CNTNAP2: variants seen among roughly 807,000 people sequenced by gnomAD.
The protein encoded by CNTNAP2 is contactin-associated protein-like 2.
Under a neutral mutation model 155.2 loss-of-function variants are expected in CNTNAP2, and 98 were observed. The ratio of observed to expected loss-of-function variants is 0.63; its 90% CI spans 0.54 to 0.75. The LOEUF is 0.75. CNTNAP2 is among the 30% of genes least tolerant of loss of function. CNTNAP2 has a pLI of 0.00. For missense variants in CNTNAP2, 1,727 were observed against 1,688.1 expected (o/e 1.02, Z -0.40); for synonymous variants, 651 against 631.2 (o/e 1.03, Z -0.47).
intron 20 of CNTNAP2, among the ~76,000 whole-genome samples, chr7:148,243,131 G>C (rs536751535): frequency 6.6e-6 from 1 of 152,288 alleles, no homozygotes; most frequent in East Asian, 1.9e-4. Flanking sequence ...TCCTGATATT[G>C]TCACCCAGGG....
intron 9 of CNTNAP2, among the ~76,000 whole-genome samples, chr7:147,391,801 C>T (rs700307): frequency 0.14 from 21,414 of 151,870 alleles, 1,710 homozygotes; most frequent in East Asian, 0.32. Context: ...CCTTGTCATC[C>T]TTAGATCATG....
chr7:147,951,250 A>G (rs1800925782), intron 14 of CNTNAP2, among the ~76,000 whole-genome samples: 2 of 152,340 alleles, frequency 1.3e-5, no homozygotes, highest in East Asian at 1.9e-4. Context: ...ACAGGTTCCT[A>G]AAGAGAATGT....
At chr7:147,579,835 A>G (rs184016787) in intron 12 of CNTNAP2, among the ~76,000 whole-genome samples, 1 of 152,286 alleles carries the variant, frequency 6.6e-6, no homozygotes, top group East Asian at 1.9e-4. Flanking sequence ...TTCACAAACC[A>G]TCAATGGTAC....
intron 13 of CNTNAP2, among the ~76,000 whole-genome samples, chr7:147,786,198 A>G (rs915792719): frequency 1.3e-5 from 2 of 152,110 alleles, no homozygotes; most frequent in African/African-American, 4.8e-5. Context: ...ACTTGAACCC[A>G]GAGGTGGAGG....
Position 147,549,228 on chromosome 7 carries a change from C to T in CNTNAP2, c.1778-12910C>T, listed in dbSNP as rs559564391. ...TTTCATGATAATGATTCTTCCTCTC[C>T]GTGAGGATGAAATGTTTTTCCATTT... On this transcript the variant is annotated intron_variant, in intron 11 of 23. Transcript: ENST00000361727. Among the ~76,000 whole-genome samples the T allele has an allele frequency of 2.4e-3, 358 of 152,204 alleles. 1 individual carries two copies. The highest frequency in any genetic ancestry group is 8.4e-3 in the African/African-American group (349 of 41,512).
intron 3 of CNTNAP2, among the ~76,000 whole-genome samples, chr7:146,940,029 G>T (rs1421354709): frequency 6.6e-6 from 1 of 152,180 alleles, no homozygotes; most frequent in Non-Finnish European, 1.5e-5. Flanking sequence ...CTACAGAAAA[G>T]AGTGTTTTGG....
chr7:147,331,489 C>A (rs143980893), intron 9 of CNTNAP2, among the ~76,000 whole-genome samples: 1 of 151,924 alleles, frequency 6.6e-6, no homozygotes, highest in Non-Finnish European at 1.5e-5. Flanking sequence ...CAGCATTAGC[C>A]GTGGCAACAA....
chr7:147,571,554 A>G (rs980333181), intron 12 of CNTNAP2, among the ~76,000 whole-genome samples: 1 of 152,038 alleles, frequency 6.6e-6, no homozygotes, highest in African/African-American at 2.4e-5. Context: ...GAATCTAACA[A>G]AATCTTGTTT....
At chr7:146,164,551 A>G (rs555849383) in intron 1 of CNTNAP2, among the ~76,000 whole-genome samples, 1 of 152,300 alleles carries the variant, frequency 6.6e-6, no homozygotes, top group Non-Finnish European at 1.5e-5. Flanking sequence ...CATTTCCTGA[A>G]CAGCAACTTA....
At chr7:147,301,672 A>G (rs1262340859) in intron 9 of CNTNAP2, among the ~76,000 whole-genome samples, 1 of 149,916 alleles carries the variant, frequency 6.7e-6, no homozygotes, top group African/African-American at 2.5e-5. Context: ...AGGTGACATG[A>G]GAGCAGCCAC....
At chr7:147,312,315 G>A (rs1038768717) in intron 9 of CNTNAP2, among the ~76,000 whole-genome samples, 4 of 151,352 alleles carry the variant, frequency 2.6e-5, no homozygotes, top group Admixed American at 2.0e-4. Context: ...CAATGTGCAC[G>A]TTAGTTACAT....
intron 10 of CNTNAP2, among the ~76,000 whole-genome samples, chr7:147,484,490 C>T (rs948679380): frequency 6.6e-6 from 1 of 152,182 alleles, no homozygotes; most frequent in Non-Finnish European, 1.5e-5. Context: ...GTATCTACTT[C>T]TATATGAACT....
chr7:148,202,881 T>C (rs553600684), intron 18 of CNTNAP2, among the ~76,000 whole-genome samples: 1 of 152,340 alleles, frequency 6.6e-6, no homozygotes, highest in African/African-American at 2.4e-5. Flanking sequence ...GTGGCCTAAA[T>C]CCATTCTTTT....
At chr7:146,232,030 A>AT (rs1799394267) in intron 1 of CNTNAP2, among the ~76,000 whole-genome samples, 1 of 152,130 alleles carries the variant, frequency 6.6e-6, no homozygotes, top group Non-Finnish European at 1.5e-5. Flanking sequence ...TACCCATGCT[A>AT]AGGTTCAAGA....
intron 9 of CNTNAP2, among the ~76,000 whole-genome samples, chr7:147,375,768 C>G (rs1399322834): frequency 6.6e-6 from 1 of 152,060 alleles, no homozygotes. Context: ...TGAAATCTCT[C>G]ACCCAACAGT....
chr7:148,013,844 G>A (rs1802125483), intron 15 of CNTNAP2, among the ~76,000 whole-genome samples: 1 of 152,154 alleles, frequency 6.6e-6, no homozygotes, highest in African/African-American at 2.4e-5. Flanking sequence ...GCCCTCTGTG[G>A]AATTTCTTGG....
intron 14 of CNTNAP2, among the ~76,000 whole-genome samples, chr7:147,939,399 G>A (rs1185455802): frequency 6.6e-6 from 1 of 152,038 alleles, no homozygotes; most frequent in African/African-American, 2.4e-5. Flanking sequence ...CACGATCTCA[G>A]CTCACTGCAA....
At chr7:147,116,657 C>T (rs1800996485) in intron 5 of CNTNAP2, among the ~76,000 whole-genome samples, 1 of 152,202 alleles carries the variant, frequency 6.6e-6, no homozygotes, top group Admixed American at 6.5e-5. Flanking sequence ...CCAAAGCCCA[C>T]AGGCTGTGGA....
At chr7:147,558,595 G>A (rs1799994102) in intron 11 of CNTNAP2, among the ~76,000 whole-genome samples, 1 of 152,206 alleles carries the variant, frequency 6.6e-6, no homozygotes, top group Non-Finnish European at 1.5e-5. Context: ...TTTTCTGTAA[G>A]CGTTGATGAG....
Sources: gnomAD v4.1 joint callset for allele counts (sites outside exome capture counted in the v4.1 genomes callset) on GRCh38, gnomAD v4.1.1 for gene constraint, MANE v1.5 for transcripts, NCBI Gene and HGNC (gene_info 2026-07-23, HGNC 2026-07-21) for gene names.